Variants in NAV2 observed in about 807,000 individuals in gnomAD.
The protein encoded by NAV2 is neuron navigator 2, also known as helicase, APC down-regulated 1.
NAV2 carries 54 observed loss-of-function variants against 223.2 expected under a neutral mutation model. That is an observed-to-expected ratio of 0.24 (90% CI 0.19 to 0.30). The LOEUF (loss-of-function observed/expected upper bound fraction) is 0.30. Ranked by LOEUF, NAV2 falls within the 10% of genes least tolerant of loss-of-function variation. The probability of loss-of-function intolerance (pLI) is 1.00; values close to 1 mark genes in which losing one functional copy is unlikely to be tolerated. For synonymous variants in NAV2, 1,279 were observed against 1,239.3 expected, an observed-to-expected ratio of 1.03 and a Z score of -0.67; for missense variants, 2,806 against 3,147.5, an observed-to-expected ratio of 0.89 and a Z score of 2.60.
intron 1 of NAV2, among the ~76,000 whole-genome samples, chr11:19,648,059 C>A (rs1056511535): frequency 2.0e-5 from 3 of 152,164 alleles, no homozygotes; most frequent in Admixed American, 6.5e-5. Flanking sequence ...ATGCTGGAGT[C>A]AGCTTATACT....
intron 1 of NAV2, among the ~76,000 whole-genome samples, chr11:19,758,556 G>C (rs1036283481): frequency 3.9e-5 from 6 of 152,202 alleles, no homozygotes; most frequent in African/African-American, 1.4e-4. Context: ...CCAATGTATG[G>C]AAGGAGACAT....
chr11:19,633,738 G>A (rs986879565), intron 1 of NAV2, among the ~76,000 whole-genome samples: 3 of 152,212 alleles, frequency 2.0e-5, no homozygotes, highest in Non-Finnish European at 4.4e-5. Context: ...TCTAGCCACC[G>A]GGTGTCATGG....
intron 8 of NAV2, among the ~76,000 whole-genome samples, chr11:19,940,086 C>T (rs1467250323): frequency 6.6e-6 from 1 of 152,042 alleles, no homozygotes; most frequent in African/African-American, 2.4e-5. Context: ...TGATACTTAA[C>T]TTTGAATCTT....
At chr11:20,041,678 C>T (rs1289892476) in intron 12 of NAV2, among the ~76,000 whole-genome samples, 3 of 152,136 alleles carry the variant, frequency 2.0e-5, no homozygotes, top group South Asian at 4.1e-4. Flanking sequence ...ATTCCTAGTG[C>T]GAATAAGCTT....
intron 1 of NAV2, among the ~76,000 whole-genome samples, chr11:19,652,631 C>G (rs1296355775): frequency 2.0e-5 from 3 of 152,194 alleles, no homozygotes; most frequent in Admixed American, 2.0e-4. Flanking sequence ...CAGAAGGATG[C>G]GTGGTAAAAA....
At chr11:19,729,215 C>T (rs558026176) in intron 1 of NAV2, among the ~76,000 whole-genome samples, 1 of 152,240 alleles carries the variant, frequency 6.6e-6, no homozygotes, top group South Asian at 2.1e-4. Context: ...AACTGGGTGA[C>T]TTGGAGCAAG....
At chr11:19,442,615 G>A (rs983724212) in intron 1 of NAV2, among the ~76,000 whole-genome samples, 1 of 152,170 alleles carries the variant, frequency 6.6e-6, no homozygotes, top group Non-Finnish European at 1.5e-5. Context: ...TCAGAGGGCA[G>A]GGCTCAGGTG....
chr11:19,491,126 T>A (rs551490736), intron 1 of NAV2, among the ~76,000 whole-genome samples: 19 of 152,230 alleles, frequency 1.2e-4, no homozygotes, highest in Non-Finnish European at 2.4e-4. Flanking sequence ...TTCCATTTAC[T>A]GAGCACAAGC....
intron 1 of NAV2, among the ~76,000 whole-genome samples, chr11:19,586,328 C>T (rs1019532811): frequency 6.6e-6 from 1 of 152,218 alleles, no homozygotes; most frequent in South Asian, 2.1e-4. Flanking sequence ...GTTCGAACTT[C>T]CTCCTTTAGC....
chr11:19,766,912 G>C (rs541657067), intron 1 of NAV2, among the ~76,000 whole-genome samples: 18 of 152,286 alleles, frequency 1.2e-4, no homozygotes, highest in Middle Eastern at 3.4e-3. Context: ...AGGCCCCTTG[G>C]GGGGTGGACT....
At chr11:19,865,875 A>C (rs200873007) in intron 3 of NAV2, among the ~76,000 whole-genome samples, 221 of 18,588 alleles carry the variant, frequency 0.012, 1 homozygote, top group African/African-American at 0.043. Context: ...TGATTCTTCT[A>C]GAGAAAGACA....
intron 1 of NAV2, among the ~76,000 whole-genome samples, chr11:19,520,429 C>T (rs2043611210): frequency 6.6e-6 from 1 of 152,258 alleles, no homozygotes; most frequent in African/African-American, 2.4e-5. Flanking sequence ...GCCTGTGGGG[C>T]CCACCTGATT....
intron 1 of NAV2, among the ~76,000 whole-genome samples, chr11:19,698,373 T>C (rs1436790333): frequency 6.6e-6 from 1 of 152,230 alleles, no homozygotes; most frequent in African/African-American, 2.4e-5. Flanking sequence ...TTAACTGCCA[T>C]TACTGAATTC....
chr11:19,652,660 C>A (rs1302058827), intron 1 of NAV2, among the ~76,000 whole-genome samples: 1 of 152,220 alleles, frequency 6.6e-6, no homozygotes, highest in Non-Finnish European at 1.5e-5. Context: ...GTCGCTTTAT[C>A]CTCCATGGCT....
chr11:20,076,951 G>A (rs1318747460), intron 22 of NAV2, among the ~76,000 whole-genome samples: 1 of 152,168 alleles, frequency 6.6e-6, no homozygotes, highest in Non-Finnish European at 1.5e-5. Flanking sequence ...TTTCTCTGAG[G>A]AGGTAGCAGA....
intron 1 of NAV2, among the ~76,000 whole-genome samples, chr11:19,444,418 G>A (rs989579635): frequency 6.6e-6 from 1 of 152,112 alleles, no homozygotes; most frequent in Non-Finnish European, 1.5e-5. Flanking sequence ...GCTAAGTTCT[G>A]GCAAATACAG....
chr11:19,754,041 A>C (rs1350714198), intron 1 of NAV2, among the ~76,000 whole-genome samples: 21 of 150,786 alleles, frequency 1.4e-4, no homozygotes, highest in Admixed American at 1.4e-3. Flanking sequence ...GACATTCAAG[A>C]GTCAACAGAA....
At chr11:19,613,336 A>G (rs2046696958) in intron 1 of NAV2, among the ~76,000 whole-genome samples, 1 of 152,158 alleles carries the variant, frequency 6.6e-6, no homozygotes, top group Non-Finnish European at 1.5e-5. Flanking sequence ...TAGGGAAAAA[A>G]AAATCATGTT....
intron 1 of NAV2, among the ~76,000 whole-genome samples, chr11:19,820,544 TATTTG>T (rs1300923234): frequency 6.6e-6 from 1 of 152,228 alleles, no homozygotes; most frequent in Non-Finnish European, 1.5e-5. Flanking sequence ...CACTTGGACT[TATTTG>T]ATTTTCCAGG....
Sources: gnomAD v4.1 joint callset for allele counts (sites outside exome capture counted in the v4.1 genomes callset) on GRCh38, gnomAD v4.1.1 for gene constraint, MANE v1.5 for transcripts, NCBI Gene and HGNC (gene_info 2026-07-23, HGNC 2026-07-21) for gene names.